The following PRPH2 variants were observed in gnomAD, a reference collection of about 807,000 sequenced individuals.
PRPH2 encodes the protein peripherin 2.
PRPH2 carries 17 observed loss-of-function variants against 31.3 expected under a neutral mutation model. That is an observed-to-expected ratio of 0.54 (90% CI 0.37 to 0.81). The LOEUF (loss-of-function observed/expected upper bound fraction) is 0.81, where lower values mean the gene tolerates loss of function less well. PRPH2 is among the 40% of genes least tolerant of loss of function. PRPH2 has a pLI of 0.00. For missense variants in PRPH2, 430 were observed against 439.7 expected, an observed-to-expected ratio of 0.98 and a Z score of 0.20; for synonymous variants, 165 against 184.4, an observed-to-expected ratio of 0.89 and a Z score of 0.85.
intron 1 of PRPH2, among the ~76,000 whole-genome samples, chr6:42,716,495 C>T (rs1761783221): frequency 6.6e-6 from 1 of 151,574 alleles, no homozygotes; most frequent in African/African-American, 2.4e-5. Context: ...TGGCTCACTG[C>T]AGCCTTGACC....
In PRPH2 at chr6:42,718,247, G is replaced by A. The variant is rs140566374; in HGVS notation, c.581+3507C>T. Among the ~76,000 whole-genome samples, 613 of 151,210 alleles carry A rather than the reference G, an allele frequency of 4.1e-3. 4 individuals carry two copies. The highest frequency in any genetic ancestry group is 0.014 in the African/African-American group (574 of 41,136). On this transcript the variant is annotated intron_variant, in intron 1 of 2. Coordinates refer to ENST00000230381, the MANE Select transcript of PRPH2 (RefSeq NM_000322.5). ...AATCACTTGAGCCTGGGAGGTGGGA[G>A]TTGCAGTGAGCCTGGAGAGTGAGAC...
At chr6:42,701,054 G>A (rs796838433) in intron 2 of PRPH2, among the ~76,000 whole-genome samples, 7 of 150,882 alleles carry the variant, frequency 4.6e-5, no homozygotes, top group African/African-American at 1.7e-4. Context: ...ATGGCTTACA[G>A]CAGCCTTGAC....
At chr6:42,718,757 A>C (rs1028215113) in intron 1 of PRPH2, among the ~76,000 whole-genome samples, 6 of 151,918 alleles carry the variant, frequency 3.9e-5, no homozygotes, top group Non-Finnish European at 5.9e-5. Context: ...CAAATAAATT[A>C]TCCTCCTGCC....
rs148996170 is a variant in PRPH2, at chr6:42,699,216, C to T, written c.829-709G>A. On this transcript the variant is annotated intron_variant, in intron 2 of 2. Transcript: ENST00000230381. ...TGCAGGTGCCTGCCACCATACCTGA[C>T]TAATTTTTGTATTTTTTTGTTGTTA... Among the ~76,000 whole-genome samples, 167 of 152,114 alleles carry T rather than the reference C, an allele frequency of 1.1e-3. 1 individual carries two copies. The highest frequency in any genetic ancestry group is 3.3e-3 in the African/African-American group (139 of 41,520).
At chr6:42,698,656 G>A (rs1434241395) in intron 2 of PRPH2, 149 bp from the exon 3 acceptor site, 16 of 1,126,342 alleles carry the variant, frequency 1.4e-5, no homozygotes, top group Middle Eastern at 2.1e-4. Context: ...CCTGCCCCAC[G>A]CTGCCCTGTC....
chr6:42,722,149 G>C lies in PRPH2; in HGVS notation c.186C>G (p.Asn62Lys). Residue 62 changes from asparagine to lysine, a missense_variant, in exon 1 of 3, where the codon AAC (asparagine) becomes AAG (lysine). Coordinates refer to ENST00000230381, the MANE Select transcript of PRPH2 (RefSeq NM_000322.5). This position sits in a 1 kb window ranked among gnomAD's most constrained non-coding sequence, Gnocchi z 4.4. ...ATAGCACCCCCATCCCTATCAATGA[G>C]TTGGGCACAAAATGGCTCTCAGAAT... is the stretch of plus-strand genomic sequence containing the variant. ...MNNSESHFVPNSLIGMGVLSC... is the reference protein window; with the variant it reads ...MNNSESHFVPKSLIGMGVLSC... 2 of 1,614,174 alleles carry C rather than the reference G, an allele frequency of 1.2e-6. No individual in the cohort carries two copies. The highest frequency in any genetic ancestry group is 1.7e-6 in the Non-Finnish European group (2 of 1,180,016).
intron 1 of PRPH2, among the ~76,000 whole-genome samples, chr6:42,716,497 GC>G (rs1423429123): frequency 6.6e-6 from 1 of 151,372 alleles, no homozygotes; most frequent in African/African-American, 2.4e-5. Context: ...GCTCACTGCA[GC>G]CTTGACCTCC....
At chr6:42,714,796 G>T (rs1027088182) in intron 1 of PRPH2, among the ~76,000 whole-genome samples, 2 of 152,196 alleles carry the variant, frequency 1.3e-5, no homozygotes, top group African/African-American at 2.4e-5. Flanking sequence ...GGGATTACAG[G>T]TGTGAGCCAC....
At chr6:42,707,010 G>A (rs550011174) in intron 1 of PRPH2, among the ~76,000 whole-genome samples, 71 of 134,480 alleles carry the variant, frequency 5.3e-4, no homozygotes, top group Admixed American at 3.8e-3. Context: ...ATGGGGGATG[G>A]AGTCTTGCTC....
At chr6:42,715,725 G>C (rs1761764835) in intron 1 of PRPH2, among the ~76,000 whole-genome samples, 1 of 152,060 alleles carries the variant, frequency 6.6e-6, no homozygotes, top group Non-Finnish European at 1.5e-5. Flanking sequence ...TAAAAATATG[G>C]AATTGTTTCT....
Position 42,722,403 on chromosome 6 carries a change from G to C in PRPH2, c.-69C>G. The C allele has an allele frequency of 6.3e-7, 1 of 1,598,128 alleles. No homozygotes were observed. The highest frequency in any genetic ancestry group is 1.3e-5 in the African/African-American group (1 of 74,954). On this transcript the variant is annotated 5_prime_UTR_variant, in exon 1 of 3. Coordinates refer to ENST00000230381, the MANE Select transcript of PRPH2 (RefSeq NM_000322.5). The surrounding 1 kb of genome is among the most constrained non-coding windows in gnomAD (Gnocchi z 4.4). ...CACCCCAAACCTTAACGAGCCCAGA[G>C]GCGGAGACTTAGGGCCTTGGGAAAA...
chr6:42,701,827 TG>T (rs1157473497), intron 2 of PRPH2, among the ~76,000 whole-genome samples: 3 of 151,776 alleles, frequency 2.0e-5, no homozygotes, highest in African/African-American at 7.3e-5. Flanking sequence ...TTTCAGGGAA[TG>T]TGGCCATCTA....
At chr6:42,713,650 G>A (rs1761719003) in intron 1 of PRPH2, among the ~76,000 whole-genome samples, 1 of 151,992 alleles carries the variant, frequency 6.6e-6, no homozygotes, top group Non-Finnish European at 1.5e-5. Context: ...GCCGGGAGCG[G>A]TGGCTCACAC....
At chr6:42,705,600 ATATATATATATATAT>A (rs1239715165) in intron 1 of PRPH2, among the ~76,000 whole-genome samples, 3 of 3,684 alleles carry the variant, frequency 8.1e-4, no homozygotes, top group East Asian at 0.014. Flanking sequence ...AAAAAAAAAA[ATATATATATATATAT>A]ATATATATAT....
In PRPH2 at chr6:42,716,926, CTTTTCTTT is replaced by C. The variant is rs1294380479; in HGVS notation, c.581+4820_581+4827del. Among the ~76,000 whole-genome samples the C allele has an allele frequency of 2.8e-3, 61 of 21,870 alleles. 2 individuals are homozygous for C. The highest frequency in any genetic ancestry group is 7.2e-3 in the African/African-American group (49 of 6,762). The allele number at this position is 21,870 out of a possible 152,430, so 14.3% of individuals were successfully genotyped here. On this transcript the variant is annotated intron_variant, in intron 1 of 2. Coordinates refer to ENST00000230381, the MANE Select transcript of PRPH2 (RefSeq NM_000322.5). The stretch of plus-strand genomic sequence containing the variant: ...TGAGCCACCTCACCGGGCCTTTTTT[CTTTTCTTT>C]TTTTCTTTTCTTTTCTTTCTTTCTT...
intron 1 of PRPH2, among the ~76,000 whole-genome samples, chr6:42,716,395 A>ATTTT (rs201231118): frequency 1.4e-5 from 2 of 146,728 alleles, no homozygotes; most frequent in Non-Finnish European, 3.0e-5. Flanking sequence ...CCCTATCTCT[A>ATTTT]TTTTTTTTTT....
chr6:42,716,785 T>A (rs1009614243), intron 1 of PRPH2, among the ~76,000 whole-genome samples: 1 of 150,674 alleles, frequency 6.6e-6, no homozygotes, highest in African/African-American at 2.4e-5. Context: ...TACACCTGGT[T>A]AATTTTGTAT....
chr6:42,704,712 C>T, intron 1 of PRPH2, 101 bp from the exon 2 acceptor site: 3 of 1,541,742 alleles, frequency 1.9e-6, no homozygotes, highest in Non-Finnish European at 1.8e-6. Context: ...TAGTCATTCA[C>T]TCGCACACTT....
intron 2 of PRPH2, among the ~76,000 whole-genome samples, chr6:42,703,828 G>A (rs1800092685): frequency 6.6e-6 from 1 of 152,104 alleles, no homozygotes; most frequent in Non-Finnish European, 1.5e-5. Flanking sequence ...TGTCGGTCGG[G>A]TGCAGTGCTC....
Sources: allele counts gnomAD v4.1 joint callset (sites outside exome capture counted in the v4.1 genomes callset), GRCh38; gene constraint gnomAD v4.1.1; non-coding constraint Gnocchi (gnomAD v3.1); transcripts MANE v1.5; gene names NCBI Gene and HGNC (gene_info 2026-07-23, HGNC 2026-07-21).